Variants in AFAP1L1 observed in about 807,000 individuals in gnomAD.
AFAP1L1 encodes actin filament associated protein 1 like 1.
AFAP1L1 carries 77 observed loss-of-function variants against 99.8 expected under a neutral mutation model. The ratio of observed to expected loss-of-function variants is 0.77; its 90% CI spans 0.64 to 0.93. The LOEUF is 0.93. Ranked by LOEUF, AFAP1L1 falls within the 40% of genes least tolerant of loss-of-function variation. The probability of loss-of-function intolerance (pLI) is 0.00; values close to 1 mark genes in which losing one functional copy is unlikely to be tolerated. For synonymous variants in AFAP1L1, 373 were observed against 395.3 expected, an observed-to-expected ratio of 0.94 and a Z score of 0.67; for missense variants, 893 against 996.8, an observed-to-expected ratio of 0.90 and a Z score of 1.40.
intron 1 of AFAP1L1, among the ~76,000 whole-genome samples, chr5:149,286,918 C>T (rs1280154248): frequency 6.6e-6 from 1 of 152,198 alleles, no homozygotes; most frequent in Non-Finnish European, 1.5e-5. Context: ...CTCCAGAGCA[C>T]CAAAACACAG....
rs1232569450 is a variant in AFAP1L1 at position 149,320,673 on chromosome 5, T to A, written c.1698+210T>A. ...GTGGTGTGGTGGAAAGAGACCCAGG[T>A]TGGGAGGAAGAAAGGGCTGTGCAGA... On this transcript the variant is annotated intron_variant, in intron 14 of 18. Coordinates refer to ENST00000296721, the MANE Select transcript of AFAP1L1 (RefSeq NM_152406.4). The surrounding 1 kb of genome is among the most constrained non-coding windows in gnomAD (Gnocchi z 4.0). 6.6e-6 allele frequency among the ~76,000 whole-genome samples: 1 copy of A among 152,140 alleles called. No homozygotes were observed. The highest frequency in any genetic ancestry group is 1.5e-5 in the Non-Finnish European group (1 of 68,034).
intron 1 of AFAP1L1, among the ~76,000 whole-genome samples, chr5:149,272,411 G>C (rs1755151286): frequency 6.6e-6 from 1 of 152,146 alleles, no homozygotes; most frequent in African/African-American, 2.4e-5. Context: ...CAGCTGCCTA[G>C]GGCATTGCGA....
At position 149,341,894 on chromosome 5, in the gene AFAP1L1, C is replaced by T. The variant is rs1172599127; in HGVS notation, c.*1864C>T. The T allele has an allele frequency of 6.6e-6, 1 of 152,170 alleles. No homozygotes were observed. The highest frequency in any genetic ancestry group is 1.5e-5 in the Non-Finnish European group (1 of 68,020). The allele number at this position is 152,170 out of a possible 1,614,324, so 9.4% of individuals were successfully genotyped here. On this transcript the variant is annotated 3_prime_UTR_variant, in exon 19 of 19. Coordinates refer to ENST00000296721, the MANE Select transcript of AFAP1L1 (RefSeq NM_152406.4). The stretch of plus-strand genomic sequence containing the variant: ...TAAAACGTGGATCCTGAAATGTCAC[C>T]TAACTCTCCAACTATGTCTTCAGTG...
At chr5:149,309,777 T>G (rs541600997) in intron 7 of AFAP1L1, among the ~76,000 whole-genome samples, 179 bp from the exon 8 acceptor site, 23 of 152,296 alleles carry the variant, frequency 1.5e-4, no homozygotes. Flanking sequence ...CCTCCCAGGC[T>G]TCTCTTCCAG....
At chr5:149,302,367 C>G in intron 4 of AFAP1L1, 51 bp from the exon 5 acceptor site, 2 of 1,399,788 alleles carry the variant, frequency 1.4e-6, no homozygotes, top group Non-Finnish European at 1.9e-6. Context: ...CTCAGCCTCT[C>G]TCTCCCTACC....
At position 149,320,089 on chromosome 5, in the gene AFAP1L1, AGTC is replaced by A. The variant is rs1192888869; in HGVS notation, c.1626-301_1626-299del. 6.6e-6 allele frequency among the ~76,000 whole-genome samples: 1 copy of A among 152,222 alleles called. No individual in the cohort carries two copies. Among genetic ancestry groups the A allele is most frequent in the Non-Finnish European group, 1.5e-5 (1 of 68,036 alleles). Reference sequence around the variant, plus strand: ...AAGAGCCAAGTTCGAGTCCCAGCTCAGTCACCACCAGCAGTGGAAGCTTGCACT... The same window carrying A: ...AAGAGCCAAGTTCGAGTCCCAGCTCAACCACCAGCAGTGGAAGCTTGCACT... On this transcript the variant is annotated intron_variant, in intron 13 of 18. Transcript: ENST00000296721. This position sits in a 1 kb window ranked among gnomAD's most constrained non-coding sequence, Gnocchi z 4.0.
At position 149,307,416 on chromosome 5, in the gene AFAP1L1, G is replaced by A. The variant is rs781501981; in HGVS notation, c.550G>A (p.Ala184Thr). 48 of 1,613,988 alleles carry A rather than the reference G, an allele frequency of 3.0e-5. No individual in the cohort carries two copies. Among genetic ancestry groups the A allele is most frequent in the East Asian group, 6.7e-5 (3 of 44,880 alleles). The change falls in exon 7 of 19, where the codon GCA becomes ACA. Residue 184 changes from alanine to threonine, a missense_variant. Physicochemically the swap from Ala to Thr is moderately conservative, Grantham distance 58. Transcript: ENST00000296721. ...GACGCCTGCAGATAATGACTCTGAC[G>A]CAATGAGCAGCTCCTATGAGTCCTA... is the stretch of plus-strand genomic sequence containing the variant. Reference protein sequence around the residue: ...ELKSSYNDSDAMSSSYESYDE... With the variant: ...ELKSSYNDSDTMSSSYESYDE...
chr5:149,319,751 C>T, intron 13 of AFAP1L1, 24 bp downstream of exon 13: 1 of 1,609,312 alleles, frequency 6.2e-7, no homozygotes, highest in Non-Finnish European at 8.5e-7. Context: ...GCACTGGCCA[C>T]ACCTGCCCAG....
At chr5:149,281,338 A>G (rs1755514610) in intron 1 of AFAP1L1, among the ~76,000 whole-genome samples, 1 of 152,176 alleles carries the variant, frequency 6.6e-6, no homozygotes, top group African/African-American at 2.4e-5. Context: ...TGCAATAACT[A>G]AGGTTCAAAC....
intron 5 of AFAP1L1, among the ~76,000 whole-genome samples, chr5:149,304,740 C>T (rs1756346737): frequency 6.6e-6 from 1 of 152,234 alleles, no homozygotes; most frequent in African/African-American, 2.4e-5. Flanking sequence ...CCCCCGTTCA[C>T]CTCCCAGGAG....
At chr5:149,329,960 C>A in intron 16 of AFAP1L1, 130 bp downstream of exon 16, 1 of 691,530 alleles carries the variant, frequency 1.4e-6, no homozygotes, top group Non-Finnish European at 2.2e-6. Context: ...TCCCCTCCTC[C>A]TTCTCCTCCT....
At chr5:149,299,793 G>A (rs963974264) in intron 2 of AFAP1L1, among the ~76,000 whole-genome samples, 156 bp downstream of exon 2, 2 of 151,776 alleles carry the variant, frequency 1.3e-5, no homozygotes, top group African/African-American at 4.9e-5. Context: ...AGCGTCCAAT[G>A]CATTCCATGC....
At chr5:149,283,877 C>G (rs1010735975) in intron 1 of AFAP1L1, among the ~76,000 whole-genome samples, 1 of 152,190 alleles carries the variant, frequency 6.6e-6, no homozygotes, top group Non-Finnish European at 1.5e-5. Flanking sequence ...CAGCCAGCAA[C>G]CAGGTGCAGC....
At chr5:149,316,429 C>G (rs1296665967) in intron 11 of AFAP1L1, 126 bp downstream of exon 11, 1 of 1,198,532 alleles carries the variant, frequency 8.3e-7, no homozygotes, top group African/African-American at 1.5e-5. Flanking sequence ...TCCAAGCCTA[C>G]TGGGAGGCTA....
At chr5:149,314,270 G>T (rs1017417063) in intron 9 of AFAP1L1, among the ~76,000 whole-genome samples, 1 of 152,214 alleles carries the variant, frequency 6.6e-6, no homozygotes, top group African/African-American at 2.4e-5. Context: ...AGCGTTGACA[G>T]TGTCAGTGTG....
chr5:149,317,676 C>A (rs1756834248), intron 11 of AFAP1L1, 53 bp from the exon 12 acceptor site: 12 of 1,589,042 alleles, frequency 7.6e-6, no homozygotes, highest in South Asian at 1.1e-5. Context: ...GCCTTGCGTC[C>A]CCATGCTGTC....
intron 1 of AFAP1L1, among the ~76,000 whole-genome samples, chr5:149,295,126 G>C (rs1274302305): frequency 2.6e-5 from 4 of 152,192 alleles, no homozygotes; most frequent in Non-Finnish European, 2.9e-5. Flanking sequence ...CTGCCTGCCA[G>C]ATCCGTTCAG....
rs1185908512 is a variant in AFAP1L1 at position 149,299,538 on chromosome 5, G to A, written c.46G>A (p.Gly16Arg). The A allele has an allele frequency of 2.5e-6, 4 of 1,614,056 alleles. No homozygotes were observed. The highest frequency in any genetic ancestry group is 1.1e-5 in the South Asian group (1 of 91,076). The change falls in exon 2 of 19, where the codon GGG becomes AGG. Residue 16 changes from glycine to arginine, a missense_variant. Transcript: ENST00000296721. The stretch of plus-strand genomic sequence containing the variant: ...GGAGCAGCTGCTCCCAGAGCTCACC[G>A]GGCTGCTCAGCCTCCTGGACCACGA... ...VLEQLLPELTGLLSLLDHEYL... is the reference protein window; with the variant it reads ...VLEQLLPELTRLLSLLDHEYL...
At chr5:149,323,814 G>C (rs1028322569) in intron 15 of AFAP1L1, among the ~76,000 whole-genome samples, 3 of 152,156 alleles carry the variant, frequency 2.0e-5, no homozygotes, top group African/African-American at 7.2e-5. Flanking sequence ...AGAGGCACTG[G>C]AAATGCAGGG....
Sources: allele counts gnomAD v4.1 joint callset (sites outside exome capture counted in the v4.1 genomes callset), GRCh38; gene constraint gnomAD v4.1.1; non-coding constraint Gnocchi (gnomAD v3.1); transcripts MANE v1.5; gene names NCBI Gene and HGNC (gene_info 2026-07-23, HGNC 2026-07-21).